Variants in ZSCAN18 observed in about 807,000 individuals in gnomAD.
ZSCAN18 encodes the protein zinc finger and SCAN domain containing 18.
A neutral mutation model predicts 31.1 loss-of-function variants in ZSCAN18; 16 were observed. The ratio of observed to expected loss-of-function variants is 0.51; its 90% confidence interval spans 0.35 to 0.78. ZSCAN18 has a LOEUF of 0.78. ZSCAN18 is among the 30% of genes least tolerant of loss of function. The pLI, the probability that ZSCAN18 is intolerant of heterozygous loss-of-function variation, is 0.01. For missense variants in ZSCAN18, 731 were observed against 697.4 expected, an observed-to-expected ratio of 1.05 and a Z score of -0.54; for synonymous variants, 375 against 320.7, an observed-to-expected ratio of 1.17 and a Z score of -1.81.
rs1360428639 is a variant in ZSCAN18 at position 58,114,490 on chromosome 19, CATAT to C, written c.130+3773_130+3776del. Among the ~76,000 whole-genome samples, 11 of 151,600 alleles carry C rather than the reference CATAT, an allele frequency of 7.3e-5. 1 individual carries two copies. The highest frequency in any genetic ancestry group is 1.5e-4 in the African/African-American group (6 of 41,112). On this transcript the variant is annotated intron_variant, in intron 1 of 1. Transcript: ENST00000595721. ...ATAAATATATATACATGTAGACATACATATACTTAAACACATGCACACATAATAC... is the reference window on the plus strand; with the variant it reads ...ATAAATATATATACATGTAGACATACACTTAAACACATGCACACATAATAC...
At chr19:58,102,259 C>T (rs1194862403), upstream of ZSCAN18, among the ~76,000 whole-genome samples, 54 of 151,960 alleles carry the variant, frequency 3.6e-4, no homozygotes, top group Admixed American at 3.3e-4. Context: ...GAGATTGAGA[C>T]CATCCTGGCT....
In ZSCAN18 at chr19:58,084,801, C is replaced by T; in HGVS notation, c.1417G>A (p.Gly473Ser). The stretch of plus-strand genomic sequence containing the variant: ...GTGGACGGTTGGGGGCCCCGGGCGC[C>T]CCCCAGCGCGTAGCTTTTCTCCTTC... ...HEKEKSYALG[G>S]ARGPQPSTRE... The change falls in exon 7 of 7, where the codon GGC (glycine) becomes AGC (serine). Residue 473 changes from glycine (G) to serine (S), a missense_variant. Gly to Ser is a moderately conservative substitution (Grantham distance 56, BLOSUM62 0). Transcript: ENST00000601144. This position sits in a 1 kb window ranked among gnomAD's most constrained non-coding sequence, Gnocchi z 4.5. 2 of 1,581,272 alleles carry T rather than the reference C, an allele frequency of 1.3e-6. No homozygotes were observed. Among genetic ancestry groups the T allele is most frequent in the Non-Finnish European group, 8.6e-7 (1 of 1,169,018 alleles).
At position 58,088,824 on chromosome 19, in the gene ZSCAN18, G is replaced by A; in HGVS notation, c.417C>T (p.Gly139=). The change falls in exon 3 of 7, where the codon GGC becomes GGT. Residue 139 remains glycine, a synonymous_variant. Coordinates refer to ENST00000601144, the MANE Select transcript of ZSCAN18 (RefSeq NM_001145543.2). ...GAATTGAGGATGAGCCCGCAGGGGA[G>A]CCCAGCAGCATCCCTGTCAACAGTG... ...DVLEEPGMLL[G]SPAGSSSILS... 4 of 1,611,852 alleles carry A rather than the reference G, an allele frequency of 2.5e-6. No homozygotes were observed. The highest frequency in any genetic ancestry group is 3.4e-6 in the Non-Finnish European group (4 of 1,179,100).
At chr19:58,109,498 T>C (rs1044907570) in intron 1 of ZSCAN18, among the ~76,000 whole-genome samples, 2 of 152,224 alleles carry the variant, frequency 1.3e-5, no homozygotes, top group Admixed American at 6.5e-5. Flanking sequence ...AGAAACACTC[T>C]TTCTAATAGC....
At chr19:58,098,306 G>T, upstream of ZSCAN18, 1 of 985,470 alleles carries the variant, frequency 1.0e-6, no homozygotes, top group Non-Finnish European at 1.2e-6. Flanking sequence ...GCTGTGCCGC[G>T]CACCGGGGCG....
At chr19:58,085,770 G>A (rs1038005435) in intron 6 of ZSCAN18, 1 of 317,066 alleles carries the variant, frequency 3.2e-6, no homozygotes, top group Admixed American at 4.6e-5. Context: ...CCAGCGAAGA[G>A]AGTGGGGTCA....
chr19:58,113,143 A>G (rs1234740040), intron 1 of ZSCAN18, among the ~76,000 whole-genome samples: 37 of 148,832 alleles, frequency 2.5e-4, no homozygotes, highest in African/African-American at 8.9e-4. Context: ...GTGAAACCCC[A>G]TCTCTACTCA....
chr19:58,118,349 TC>T lies in ZSCAN18; in HGVS notation c.47del (p.Gly16GlufsTer57), dbSNP rs2074751478. 1 of 1,532,418 alleles carries T rather than the reference TC, an allele frequency of 6.5e-7. No homozygotes were observed. The highest frequency in any genetic ancestry group is 8.8e-7 in the Non-Finnish European group (1 of 1,138,588). 94.9% of individuals were successfully genotyped at this position (1,532,418 alleles called of 1,614,324 possible). On this transcript the variant is annotated frameshift_variant, in exon 1 of 2. Coordinates refer to the ZSCAN18 transcript ENST00000595721. LOFTEE classifies it high-confidence loss of function. ...AGGCCGCGAGAGGACGGAACTCACTTCCCGCCGCCGTAGCGTCCTCGTCAGC... is the reference window on the plus strand; with the variant it reads ...AGGCCGCGAGAGGACGGAACTCACTTCCGCCGCCGTAGCGTCCTCGTCAGC...
rs191768082 is a variant in ZSCAN18, at chr19:58,104,083, G to A, written c.131-13697C>T. 1.3e-3 allele frequency among the ~76,000 whole-genome samples: 192 copies of A among 152,262 alleles called. 1 individual carries two copies. Among genetic ancestry groups the A allele is most frequent in the Non-Finnish European group, 2.0e-3 (135 of 68,030 alleles). ...TGTGAGAGGCGAGGAAGATGCAGAA[G>A]AAAATTCTGAGCCGGCCAGGCACAG... On this transcript the variant is annotated intron_variant, in intron 1 of 1. Transcript: ENST00000595721.
chr19:58,109,284 T>C (rs1337015422), intron 1 of ZSCAN18: 3 of 1,231,740 alleles, frequency 2.4e-6, no homozygotes, highest in Non-Finnish European at 3.0e-6. Flanking sequence ...GATGCTTCCA[T>C]TTGACTTTTG....
chr19:58,092,265 T>TA (rs2074427969), intron 1 of ZSCAN18, among the ~76,000 whole-genome samples: 1 of 151,936 alleles, frequency 6.6e-6, no homozygotes, highest in Non-Finnish European at 1.5e-5. Flanking sequence ...ATAAGCTGTT[T>TA]AAAAAACAAA....
intron 1 of ZSCAN18, chr19:58,107,476 G>A (rs146395702): frequency 2.8e-5 from 5 of 175,568 alleles, no homozygotes; most frequent in Non-Finnish European, 5.6e-5. Context: ...AAGGAGAATC[G>A]CTTGAACCCA....
rs1401963151 is a variant in ZSCAN18 at position 58,088,692 on chromosome 19, C to G, written c.549G>C (p.Glu183Asp). ...LGAGEIPAPSETPWLSPDPLF... is the reference protein window; with the variant it reads ...LGAGEIPAPSDTPWLSPDPLF... The stretch of plus-strand genomic sequence containing the variant: ...CCAGGCTAGCTGGGCACTCACGTGT[C>G]TCAGAAGGTGCCGGGATCTCCCCAG... The change falls in exon 3 of 7, where the codon GAG (glutamate) becomes GAC (aspartate). Residue 183 changes from glutamate (E) to aspartate (D), a missense_variant. Coordinates refer to ENST00000601144, the MANE Select transcript of ZSCAN18 (RefSeq NM_001145543.2). The G allele has an allele frequency of 1.2e-6, 2 of 1,608,742 alleles. No homozygotes were observed. The highest frequency in any genetic ancestry group is 2.7e-5 in the African/African-American group (2 of 74,922).
intron 1 of ZSCAN18, among the ~76,000 whole-genome samples, chr19:58,096,757 G>A (rs1022493045): frequency 7.2e-5 from 11 of 152,200 alleles, no homozygotes; most frequent in Non-Finnish European, 1.5e-4. Flanking sequence ...TTGATGGGTC[G>A]CCGGATATTC....
rs116446782 is a variant in ZSCAN18 at position 58,090,372 on chromosome 19, C to T, written c.-105G>A. The stretch of plus-strand genomic sequence containing the variant: ...AGATGCCCAGTGGGCTCAGGTGGTG[C>T]CAGAACCCACAGACCTGCAGAGGAC... On this transcript the variant is annotated 5_prime_UTR_variant, in exon 2 of 7. Coordinates refer to ENST00000601144, the MANE Select transcript of ZSCAN18 (RefSeq NM_001145543.2). The surrounding 1 kb of genome is among the most constrained non-coding windows in gnomAD (Gnocchi z 4.7). 8.8e-4 allele frequency: 1,392 copies of T among 1,578,716 alleles called. 13 individuals carry two copies. In the African/African-American group the frequency reaches 0.017, roughly 19 times the overall value.
rs1463521057 is a variant in ZSCAN18, at chr19:58,087,572, C to A, written c.554-168G>T. 3 of 617,170 alleles carry A rather than the reference C, an allele frequency of 4.9e-6. No individual in the cohort carries two copies. In the African/African-American group the frequency reaches 5.6e-5, roughly 11 times the overall value. 38.2% of individuals were successfully genotyped at this position (617,170 alleles called of 1,614,324 possible). On this transcript the variant is annotated intron_variant, in intron 3 of 6. Transcript: ENST00000601144. The stretch of plus-strand genomic sequence containing the variant: ...CCTTTCCCTGATTTACAAAGCAGCG[C>A]GGTGGCCACAGGGCTTGGGTGGCCC...
At chr19:58,109,610 A>C (rs2074663354) in intron 1 of ZSCAN18, among the ~76,000 whole-genome samples, 1 of 152,244 alleles carries the variant, frequency 6.6e-6, no homozygotes, top group Non-Finnish European at 1.5e-5. Flanking sequence ...GAATAAACTA[A>C]GAGTACACAA....
rs1347035696 is a variant in ZSCAN18, at chr19:58,118,289, G to T, written c.108C>A (p.Val36=). The T allele has an allele frequency of 4.7e-6, 7 of 1,501,676 alleles. 1 individual carries two copies. Among genetic ancestry groups the T allele is most frequent in the South Asian group, 3.8e-5 (3 of 78,678 alleles). 93.0% of individuals were successfully genotyped at this position (1,501,676 alleles called of 1,614,324 possible). Residue 36 remains valine, a synonymous_variant, in exon 1 of 2, where the codon GTC becomes GTA. Transcript: ENST00000595721. ...CACCCTCACTAGGCCTTGGCTCCGC[G>T]ACCGGTGGGCGGGAACGGAGGAAAC...
At position 58,090,594 on chromosome 19, in the gene ZSCAN18, AT is replaced by A. The variant is rs2074391213; in HGVS notation, c.-119-209del. On this transcript the variant is annotated intron_variant, in intron 1 of 6. Coordinates refer to ENST00000601144, the MANE Select transcript of ZSCAN18 (RefSeq NM_001145543.2). This position sits in a 1 kb window ranked among gnomAD's most constrained non-coding sequence, Gnocchi z 4.7. The stretch of plus-strand genomic sequence containing the variant: ...GTAACTCATTCTGTGCATTACCAGA[AT>A]TTTTTTTTCTTTGAGACCGAGTCAC... 32 of 455,614 alleles carry A rather than the reference AT, an allele frequency of 7.0e-5. No individual in the cohort carries two copies. The highest frequency in any genetic ancestry group is 1.8e-4 in the South Asian group (3 of 16,846). 28.2% of individuals were successfully genotyped at this position (455,614 alleles called of 1,614,324 possible).
Sources: gnomAD v4.1 joint callset for allele counts (sites outside exome capture counted in the v4.1 genomes callset) on GRCh38, gnomAD v4.1.1 for gene constraint, Gnocchi (gnomAD v3.1) non-coding constraint, MANE v1.5 for transcripts, NCBI Gene and HGNC (gene_info 2026-07-23, HGNC 2026-07-21) for gene names.